CADM2: variants seen among roughly 807,000 people sequenced by gnomAD.
CADM2 encodes the protein immunoglobulin superfamily member 4D.
In CADM2, 12 loss-of-function variants were observed where a neutral mutation model predicts 49.8. The observed-to-expected ratio is 0.24, with a 90% CI of 0.15 to 0.39. The LOEUF is 0.39. Among genes scored for constraint, CADM2 ranks in the 10% least tolerant of loss-of-function variants. The pLI is 1.00. For synonymous variants in CADM2, 214 were observed against 175.4 expected (o/e 1.22, Z -1.74); for missense variants, 378 against 492.3 (o/e 0.77, Z 2.20).
chr3:85,930,798 T>A (rs1720490955), intron 6 of CADM2, among the ~76,000 whole-genome samples: 1 of 151,872 alleles, frequency 6.6e-6, no homozygotes, highest in African/African-American at 2.4e-5. Context: ...TCATTCTTTT[T>A]ATGGTTGAAT....
At chr3:85,030,819 C>G (rs1433517584) in intron 1 of CADM2, among the ~76,000 whole-genome samples, 2 of 152,148 alleles carry the variant, frequency 1.3e-5, no homozygotes, top group Non-Finnish European at 2.9e-5. Context: ...CCGTCTCTCC[C>G]CTGAGAAACT....
intron 6 of CADM2, among the ~76,000 whole-genome samples, chr3:85,919,548 C>A (rs1446709448): frequency 6.6e-6 from 1 of 151,820 alleles, no homozygotes; most frequent in Non-Finnish European, 1.5e-5. Context: ...AAAATTATAT[C>A]TTTTTAAGGG....
intron 1 of CADM2, among the ~76,000 whole-genome samples, chr3:85,678,297 T>C (rs997827047): frequency 6.6e-6 from 1 of 152,140 alleles, no homozygotes; most frequent in Non-Finnish European, 1.5e-5. Context: ...AGGAGATTGA[T>C]AAGGCCATCT....
intron 1 of CADM2, among the ~76,000 whole-genome samples, chr3:85,294,786 A>G (rs552285990): frequency 6.6e-6 from 1 of 152,260 alleles, no homozygotes; most frequent in East Asian, 1.9e-4. Context: ...TACAAAAATC[A>G]ATTCAAGTTG....
intron 1 of CADM2, among the ~76,000 whole-genome samples, chr3:85,302,625 A>G (rs914396163): frequency 7.9e-5 from 12 of 152,014 alleles, no homozygotes; most frequent in Admixed American, 4.6e-4. Context: ...TGGATACTGC[A>G]TAAACTATAA....
At chr3:85,224,784 T>G (rs1449195137) in intron 1 of CADM2, among the ~76,000 whole-genome samples, 1 of 152,156 alleles carries the variant, frequency 6.6e-6, no homozygotes, top group East Asian at 1.9e-4. Flanking sequence ...TTGTATAAGG[T>G]GTAAGGAAGG....
intron 1 of CADM2, among the ~76,000 whole-genome samples, chr3:85,278,160 A>G (rs1381247368): frequency 6.6e-6 from 1 of 151,236 alleles, no homozygotes; most frequent in Non-Finnish European, 1.5e-5. Flanking sequence ...TTAGTAGAGT[A>G]AGTTAAAAAC....
At chr3:85,467,707 A>T (rs1294345105) in intron 1 of CADM2, among the ~76,000 whole-genome samples, 1 of 152,200 alleles carries the variant, frequency 6.6e-6, no homozygotes, top group Non-Finnish European at 1.5e-5. Context: ...CCCATATTGG[A>T]AATATGTCAA....
chr3:85,847,063 A>G (rs72908602), intron 3 of CADM2, among the ~76,000 whole-genome samples: 6,622 of 152,220 alleles, frequency 0.044, 454 homozygotes, highest in African/African-American at 0.15. Flanking sequence ...CCATACCAGC[A>G]CCATGGGCTT....
At chr3:85,877,546 A>C (rs576593879) in intron 3 of CADM2, among the ~76,000 whole-genome samples, 6 of 152,156 alleles carry the variant, frequency 3.9e-5, no homozygotes, top group South Asian at 2.1e-4. Flanking sequence ...GTAAAATGAA[A>C]ATATTTTCAA....
chr3:85,358,450 C>T (rs2032056557), intron 1 of CADM2, among the ~76,000 whole-genome samples: 1 of 152,030 alleles, frequency 6.6e-6, no homozygotes, highest in African/African-American at 2.4e-5. Flanking sequence ...GCCTGTGGCT[C>T]AGAGTTTGGT....
intron 1 of CADM2, among the ~76,000 whole-genome samples, chr3:85,311,987 A>C (rs577814596): frequency 6.7e-4 from 102 of 152,288 alleles, no homozygotes; most frequent in African/African-American, 1.6e-3. Context: ...GTACCAAAAT[A>C]TTTCTATTTG....
intron 1 of CADM2, among the ~76,000 whole-genome samples, chr3:85,122,268 T>G (rs2038890088): frequency 6.6e-6 from 1 of 152,166 alleles, no homozygotes; most frequent in Non-Finnish European, 1.5e-5. Context: ...TGTTTTCGTT[T>G]TCATCCTCAA....
intron 7 of CADM2, among the ~76,000 whole-genome samples, chr3:85,949,298 G>A (rs1485448820): frequency 6.6e-6 from 1 of 151,362 alleles, no homozygotes; most frequent in East Asian, 2.0e-4. Flanking sequence ...ATTATTTCTT[G>A]TATATATGTG....
chr3:85,661,400 G>A (rs375660745), intron 1 of CADM2, among the ~76,000 whole-genome samples: 2 of 145,974 alleles, frequency 1.4e-5, no homozygotes, highest in South Asian at 2.2e-4. Context: ...AAATTAAGTA[G>A]TTTTAAATGT....
chr3:85,313,710 C>T (rs932088233), intron 1 of CADM2, among the ~76,000 whole-genome samples: 2 of 152,098 alleles, frequency 1.3e-5, no homozygotes, highest in Non-Finnish European at 2.9e-5. Flanking sequence ...CATACATTAG[C>T]CCTCATGTTC....
At chr3:85,114,322 A>G (rs1297800834) in intron 1 of CADM2, among the ~76,000 whole-genome samples, 5 of 152,088 alleles carry the variant, frequency 3.3e-5, no homozygotes, top group African/African-American at 1.2e-4. Flanking sequence ...GGAGAGAGAC[A>G]AGGAAGAGAG....
intron 1 of CADM2, among the ~76,000 whole-genome samples, chr3:85,644,052 A>G (rs1233629258): frequency 6.6e-6 from 1 of 152,126 alleles, no homozygotes; most frequent in African/African-American, 2.4e-5. Flanking sequence ...ATACCCATGC[A>G]TTACTCTGCT....
chr3:85,695,282 C>T (rs1404622415), intron 1 of CADM2, among the ~76,000 whole-genome samples: 10 of 151,964 alleles, frequency 6.6e-5, no homozygotes, highest in Non-Finnish European at 1.5e-4. Context: ...TACCCATCAC[C>T]CAAATAGTGT....
Sources: allele counts gnomAD v4.1 joint callset (sites outside exome capture counted in the v4.1 genomes callset), GRCh38; gene constraint gnomAD v4.1.1; transcripts MANE v1.5; gene names NCBI Gene and HGNC (gene_info 2026-07-23, HGNC 2026-07-21).